Variants in AHSG observed in about 807,000 individuals in gnomAD.
AHSG encodes alpha 2-HS glycoprotein.
In AHSG, 23 loss-of-function variants were observed where a neutral mutation model predicts 30.1. The ratio of observed to expected loss-of-function variants is 0.76; its 90% confidence interval spans 0.55 to 1.08. AHSG has a LOEUF of 1.08. AHSG is among the 50% of genes least tolerant of loss of function. The pLI is 0.00. For missense variants in AHSG, 469 were observed against 459.5 expected (o/e 1.02, Z -0.19); for synonymous variants, 164 against 186.3 (o/e 0.88, Z 0.98).
intron 2 of AHSG, among the ~76,000 whole-genome samples, chr3:186,615,998 C>G (rs1470230143): frequency 1.3e-5 from 2 of 152,154 alleles, no homozygotes; most frequent in Non-Finnish European, 2.9e-5. Context: ...GAGTTCAAGA[C>G]CAGCCTGGCC....
intron 1 of AHSG, among the ~76,000 whole-genome samples, chr3:186,615,471 T>C (rs1716267618): frequency 6.6e-6 from 1 of 152,232 alleles, no homozygotes; most frequent in African/African-American, 2.4e-5. Flanking sequence ...GGTGCTTCCT[T>C]AATCAACAGA....
chr3:186,619,961 CT>C (rs775935712), intron 6 of AHSG, 21 bp downstream of exon 6: 85 of 1,579,268 alleles, frequency 5.4e-5, no homozygotes, highest in Admixed American at 8.9e-5. Flanking sequence ...CGTGAATATT[CT>C]TGCCTACACC....
intron 1 of AHSG, 24 bp downstream of exon 1, chr3:186,613,378 G>A (rs6774836): frequency 6.3e-7 from 1 of 1,588,658 alleles, no homozygotes; most frequent in East Asian, 2.2e-5. Flanking sequence ...CTGTCTATGA[G>A]CTGAAATAAT....
chr3:186,617,720 T>C (rs1037487689), intron 4 of AHSG: 18 of 356,264 alleles, frequency 5.1e-5, no homozygotes, highest in African/African-American at 3.4e-4. Context: ...GTACCACCCA[T>C]CTCCGCTGAA....
At chr3:186,615,364 C>T (rs1419322274) in intron 1 of AHSG, among the ~76,000 whole-genome samples, 1 of 152,132 alleles carries the variant, frequency 6.6e-6, no homozygotes, top group Non-Finnish European at 1.5e-5. Flanking sequence ...TAAGTGTTAA[C>T]ACCCATTTGT....
intron 1 of AHSG, among the ~76,000 whole-genome samples, chr3:186,614,202 C>T (rs1716229046): frequency 6.6e-6 from 1 of 152,236 alleles, no homozygotes; most frequent in Admixed American, 6.5e-5. Context: ...TGTCTGCCTA[C>T]TGCCTGTTTT....
chr3:186,616,831 G>A (rs1716318278), intron 3 of AHSG, among the ~76,000 whole-genome samples: 1 of 152,120 alleles, frequency 6.6e-6, no homozygotes, highest in South Asian at 2.1e-4. Flanking sequence ...ATGTGGTGGT[G>A]CTCGCCTGTA....
At chr3:186,616,835 G>A (rs950470035) in intron 3 of AHSG, among the ~76,000 whole-genome samples, 4 of 152,096 alleles carry the variant, frequency 2.6e-5, no homozygotes, top group African/African-American at 9.7e-5. Context: ...GGTGGTGCTC[G>A]CCTGTAATCC....
chr3:186,620,827 C>T lies in AHSG; in HGVS notation c.1001C>T (p.Ser334Leu), dbSNP rs377627656. ...VSLGSPSGEV[S>L]HPRKTRTVVQ... ...TTGGGGTCACCCTCAGGAGAAGTGT[C>T]GCACCCCCGGAAAACACGCACAGTG... Residue 334 changes from serine to leucine, a missense_variant, in exon 7 of 7, where the codon TCG (serine) becomes TTG (leucine). Physicochemically the swap from Ser to Leu is moderately radical, Grantham distance 145. Transcript: ENST00000411641. 4.3e-5 allele frequency: 69 copies of T among 1,614,162 alleles called. No homozygotes were observed. In the African/African-American group the frequency reaches 7.6e-4, roughly 18 times the overall value.
In AHSG at chr3:186,617,185, A is replaced by T. The variant is rs145054587; in HGVS notation, c.410-2A>T. The T allele has an allele frequency of 5.2e-5, 84 of 1,608,472 alleles. No homozygotes were observed. In the African/African-American group the frequency reaches 8.5e-4, roughly 16 times the overall value. On this transcript the variant is annotated splice_acceptor_variant, in intron 3 of 6. Transcript: ENST00000411641. LOFTEE classifies it high-confidence loss of function. The stretch of plus-strand genomic sequence containing the variant: ...ACATCCTGGTTTCCTCTCTCCGAGC[A>T]GACTCAGCCGAGGACGTGCGCAAGG...
At chr3:186,615,227 AG>A (rs1716261489) in intron 1 of AHSG, among the ~76,000 whole-genome samples, 1 of 152,240 alleles carries the variant, frequency 6.6e-6, no homozygotes, top group African/African-American at 2.4e-5. Context: ...GATTAAAAAA[AG>A]ACAGTAAGAT....
Position 186,613,239 on chromosome 3 carries a change from A to G in AHSG, c.98A>G (p.Asp33Gly). The G allele has an allele frequency of 6.2e-7, 1 of 1,614,188 alleles. No homozygotes were observed. ...CTGATTTATAGACAACCGAACTGCG[A>G]TGATCCAGAAACTGAGGAAGCAGCT... Reference protein sequence around the residue: ...PGLIYRQPNCDDPETEEAALV... With the variant: ...PGLIYRQPNCGDPETEEAALV... The change falls in exon 1 of 7, where the codon GAT (aspartate) becomes GGT (glycine). Residue 33 changes from aspartate (D) to glycine (G), a missense_variant. Asp to Gly is a moderately conservative substitution (Grantham distance 94). Transcript: ENST00000411641.
chr3:186,616,448 C>T lies in AHSG; in HGVS notation c.330C>T (p.Val110=), dbSNP rs1364162235. 4 of 1,612,608 alleles carry T rather than the reference C, an allele frequency of 2.5e-6. No homozygotes were observed. Among genetic ancestry groups the T allele is most frequent in the South Asian group, 1.1e-5 (1 of 90,700 alleles). ...CSVRQLKEHA[V]EGDCDFQLLK... is the part of the protein sequence containing the mutation. ...ACGTGGGTTTCTTTCTCCAGGCTGT[C>T]GAAGGAGACTGTGATTTCCAGCTGT... Residue 110 remains valine (V), a synonymous_variant, in exon 3 of 7, where the codon GTC becomes GTT. Transcript: ENST00000411641.
chr3:186,617,822 C>CTGTGGGTGGTTT, intron 4 of AHSG: 1 of 242,842 alleles, frequency 4.1e-6, no homozygotes, highest in South Asian at 5.1e-5. Context: ...CTGGAGAAAA[C>CTGTGGGTGGTTT]ATCTCATTGT....
chr3:186,617,797 A>T (rs1579014202), intron 4 of AHSG: 2 of 246,534 alleles, frequency 8.1e-6, no homozygotes, highest in East Asian at 2.1e-4. Flanking sequence ...AGATCTTAAA[A>T]TGCCTTTCGA....
chr3:186,621,119 T>G lies in AHSG; in HGVS notation c.*189T>G, dbSNP rs1716482919. ...GGACAGAAGCAGAGTGGGTGGTGGT[T>G]ATGTTTGACAGAAGGCATTAGGTTG... On this transcript the variant is annotated 3_prime_UTR_variant, in exon 7 of 7. Coordinates refer to ENST00000411641, the MANE Select transcript of AHSG (RefSeq NM_001622.4). 2 of 607,916 alleles carry G rather than the reference T, an allele frequency of 3.3e-6. No individual in the cohort carries two copies. The highest frequency in any genetic ancestry group is 5.7e-6 in the Non-Finnish European group (2 of 350,236). 37.7% of individuals were successfully genotyped at this position (607,916 alleles called of 1,614,324 possible).
Position 186,614,782 on chromosome 3 carries a change from G to A in AHSG, c.214-903G>A, listed in dbSNP as rs2593813. ...ACACCTGGACATCATAAAATGCGGA[G>A]CTTCTCCCAGGGGAGGGGATGCTGA... On this transcript the variant is annotated intron_variant, in intron 1 of 6. Coordinates refer to ENST00000411641, the MANE Select transcript of AHSG (RefSeq NM_001622.4). 0.64 allele frequency among the ~76,000 whole-genome samples: 96,636 copies of A among 152,036 alleles called. 30,916 individuals carry two copies. The highest frequency in any genetic ancestry group is 0.84 in the Middle Eastern group (248 of 294).
At position 186,613,286 on chromosome 3, in the gene AHSG, A is replaced by C. The variant is rs1579010028; in HGVS notation, c.145A>C (p.Asn49His). The change falls in exon 1 of 7, where the codon AAT (asparagine) becomes CAT (histidine). Residue 49 changes from asparagine (N) to histidine (H), a missense_variant. By Grantham distance (68) the Asn-to-His change is moderately conservative. Transcript: ENST00000411641. ...EAALVAIDYI[N>H]QNLPWGYKHT... ...AGCTCTGGTGGCTATAGACTACATCAATCAAAACCTTCCTTGGGGATACAA... is the reference window on the plus strand; with the variant it reads ...AGCTCTGGTGGCTATAGACTACATCCATCAAAACCTTCCTTGGGGATACAA... 1 of 1,614,088 alleles carries C rather than the reference A, an allele frequency of 6.2e-7. No homozygotes were observed.
intron 1 of AHSG, 99 bp from the exon 2 acceptor site, chr3:186,615,586 A>C: frequency 1.1e-6 from 1 of 885,820 alleles, no homozygotes; most frequent in Non-Finnish European, 1.9e-6. Context: ...ACCTCTCCAA[A>C]AGCGGGGTGC....
Sources: gnomAD v4.1 joint callset for allele counts (sites outside exome capture counted in the v4.1 genomes callset) on GRCh38, gnomAD v4.1.1 for gene constraint, MANE v1.5 for transcripts, NCBI Gene and HGNC (gene_info 2026-07-23, HGNC 2026-07-21) for gene names.